Variants in FNDC3B observed in about 807,000 individuals in gnomAD.
The protein encoded by FNDC3B is fibronectin type III domain-containing protein 3B.
In FNDC3B, 12 loss-of-function variants were observed where a neutral mutation model predicts 151.5. The ratio of observed to expected loss-of-function variants is 0.08; its 90% CI spans 0.05 to 0.13. The LOEUF is 0.13. Among genes scored for constraint, FNDC3B ranks in the 10% least tolerant of loss-of-function variants. The probability of loss-of-function intolerance (pLI) is 1.00; values close to 1 mark genes in which losing one functional copy is unlikely to be tolerated. For missense variants in FNDC3B, 1,214 were observed against 1,505.3 expected (o/e 0.81, Z 3.20); for synonymous variants, 528 against 549.0 (o/e 0.96, Z 0.54).
At position 172,262,583 on chromosome 3, in the gene FNDC3B, A is replaced by C. The variant is rs1728700144; in HGVS notation, c.790+11042A>C. On this transcript the variant is annotated intron_variant, in intron 6 of 25. Transcript: ENST00000415807. ...AGTTTTGATGTGCTTAAAAACTGGA[A>C]ATTGAGAATTTTTTTTTTTATTTTT... Among the ~76,000 whole-genome samples the C allele has an allele frequency of 2.0e-5, 3 of 149,766 alleles. No homozygotes were observed. The South Asian group carries it at 6.4e-4, about 32-fold the overall frequency.
At chr3:172,281,389 T>A (rs2108818206) in intron 6 of FNDC3B, among the ~76,000 whole-genome samples, 1 of 152,160 alleles carries the variant, frequency 6.6e-6, no homozygotes, top group Non-Finnish European at 1.5e-5. Context: ...GGATTGCAGG[T>A]GTGCGCCACC....
intron 6 of FNDC3B, among the ~76,000 whole-genome samples, chr3:172,282,230 G>A (rs191030371): frequency 1.3e-5 from 2 of 152,300 alleles, no homozygotes; most frequent in African/African-American, 2.4e-5. Flanking sequence ...TGCAAATTGT[G>A]TCCCTGGGTT....
At chr3:172,130,326 G>A (rs903116108) in intron 2 of FNDC3B, among the ~76,000 whole-genome samples, 8 of 152,132 alleles carry the variant, frequency 5.3e-5, no homozygotes, top group Admixed American at 3.3e-4. Flanking sequence ...AATTGATATT[G>A]GGACACAGGA....
intron 11 of FNDC3B, among the ~76,000 whole-genome samples, chr3:172,328,055 G>A (rs1457429116): frequency 6.6e-6 from 1 of 152,210 alleles, no homozygotes; most frequent in Admixed American, 6.5e-5. Flanking sequence ...AGTATTACAT[G>A]CCTGTGAGTG....
intron 8 of FNDC3B, among the ~76,000 whole-genome samples, chr3:172,295,978 A>G (rs1730583228): frequency 6.6e-6 from 1 of 152,176 alleles, no homozygotes; most frequent in African/African-American, 2.4e-5. Context: ...ATACTTTAAA[A>G]CATTTCATTT....
At chr3:172,380,880 CTGGGTTCTCACTAATAG>C in intron 24 of FNDC3B, 69 bp from the exon 25 acceptor site, 1 of 1,470,944 alleles carries the variant, frequency 6.8e-7, no homozygotes, top group Non-Finnish European at 9.4e-7. Flanking sequence ...CTTGCTCTCT[CTGGGTTCTCACTAATAG>C]TGCTAAAGTG....
chr3:172,319,704 C>A (rs2108268292), intron 11 of FNDC3B, among the ~76,000 whole-genome samples: 1 of 152,278 alleles, frequency 6.6e-6, no homozygotes, highest in African/African-American at 2.4e-5. Context: ...CTGTTAGGAG[C>A]CTCTTATATA....
chr3:172,128,414 C>T (rs894010189), intron 2 of FNDC3B, among the ~76,000 whole-genome samples: 3 of 152,170 alleles, frequency 2.0e-5, no homozygotes, highest in African/African-American at 7.2e-5. Flanking sequence ...AAAGAGGGGG[C>T]TCAAAACACA....
intron 3 of FNDC3B, among the ~76,000 whole-genome samples, chr3:172,143,850 A>C (rs1373613127): frequency 6.6e-6 from 1 of 152,004 alleles, no homozygotes; most frequent in Non-Finnish European, 1.5e-5. Context: ...TGAAGGTTGC[A>C]GTGAGCCGAG....
At chr3:172,122,964 C>T (rs1720626031) in intron 2 of FNDC3B, among the ~76,000 whole-genome samples, 1 of 152,304 alleles carries the variant, frequency 6.6e-6, no homozygotes, top group African/African-American at 2.4e-5. Flanking sequence ...TTCTTGTTAG[C>T]CACACCTTAG....
At chr3:172,177,218 C>T (rs1478667701) in intron 3 of FNDC3B, among the ~76,000 whole-genome samples, 1 of 48,352 alleles carries the variant, frequency 2.1e-5, no homozygotes, top group Non-Finnish European at 3.8e-5. Context: ...GTTTGGCTGA[C>T]CAAAAAGAAT....
chr3:172,143,237 T>C (rs1296706674), intron 3 of FNDC3B, among the ~76,000 whole-genome samples: 1 of 152,198 alleles, frequency 6.6e-6, no homozygotes. Context: ...ATTTTCACTC[T>C]TAGTTCCTCA....
chr3:172,325,917 G>A (rs776918030), intron 11 of FNDC3B, among the ~76,000 whole-genome samples: 5 of 151,998 alleles, frequency 3.3e-5, no homozygotes, highest in Non-Finnish European at 5.9e-5. Flanking sequence ...TCTGCCTCCC[G>A]GGTTCAAGCA....
chr3:172,162,127 C>T (rs375436120), intron 3 of FNDC3B, among the ~76,000 whole-genome samples: 8 of 152,102 alleles, frequency 5.3e-5, no homozygotes, highest in South Asian at 2.1e-4. Context: ...ACAGGCAATG[C>T]GCCACCATGC....
chr3:172,163,162 T>C (rs1722861097), intron 3 of FNDC3B, among the ~76,000 whole-genome samples: 1 of 152,010 alleles, frequency 6.6e-6, no homozygotes, highest in African/African-American at 2.4e-5. Context: ...TCCTAGCTAC[T>C]TGGGAGGCTG....
intron 1 of FNDC3B, among the ~76,000 whole-genome samples, chr3:172,068,253 C>G (rs1375198703): frequency 6.6e-6 from 1 of 152,116 alleles, no homozygotes; most frequent in Non-Finnish European, 1.5e-5. Flanking sequence ...GATGCTCTGC[C>G]GAGTGAATGG....
chr3:172,114,761 CT>C (rs1330577009), intron 2 of FNDC3B, among the ~76,000 whole-genome samples: 1 of 152,048 alleles, frequency 6.6e-6, no homozygotes, highest in Non-Finnish European at 1.5e-5. Context: ...TTTATTAAAT[CT>C]TTTTTTAATC....
chr3:172,385,854 G>C, intron 25 of FNDC3B, among the ~76,000 whole-genome samples: 1 of 152,100 alleles, frequency 6.6e-6, no homozygotes, highest in Non-Finnish European at 1.5e-5. Context: ...CACCATGCCC[G>C]GCCCTTCCCC....
intron 3 of FNDC3B, among the ~76,000 whole-genome samples, chr3:172,212,891 G>A (rs188506298): frequency 3.3e-5 from 5 of 152,192 alleles, no homozygotes; most frequent in South Asian, 2.1e-4. Flanking sequence ...ATCAGTTACC[G>A]TTTTGAATAT....
Sources: gnomAD v4.1 joint callset for allele counts (sites outside exome capture counted in the v4.1 genomes callset) on GRCh38, gnomAD v4.1.1 for gene constraint, MANE v1.5 for transcripts, NCBI Gene and HGNC (gene_info 2026-07-23, HGNC 2026-07-21) for gene names.